The following CNOT4 variants were observed in gnomAD, a reference collection of about 807,000 sequenced individuals.
The protein encoded by CNOT4 is CCR4-NOT transcription complex subunit 4, also known as CCR4-associated factor 4.
CNOT4 carries 8 observed loss-of-function variants against 73.8 expected under a neutral mutation model. The ratio of observed to expected loss-of-function variants is 0.11; its 90% CI spans 0.06 to 0.20. The LOEUF is 0.20. Among genes scored for constraint, CNOT4 ranks in the 10% least tolerant of loss-of-function variants. The pLI is 1.00. For synonymous variants in CNOT4, 293 were observed against 321.1 expected, an observed-to-expected ratio of 0.91 and a Z score of 0.94; for missense variants, 564 against 883.4, an observed-to-expected ratio of 0.64 and a Z score of 4.58.
Position 135,414,411 on chromosome 7 carries a change from C to G in CNOT4, c.481G>C (p.Val161Leu), listed in dbSNP as rs775414214. 1 of 1,533,442 alleles carries G rather than the reference C, an allele frequency of 6.5e-7. No homozygotes were observed. Among genetic ancestry groups the G allele is most frequent in the Non-Finnish European group, 9.0e-7 (1 of 1,109,054 alleles). 95.0% of individuals were successfully genotyped at this position (1,533,442 alleles called of 1,614,324 possible). ...GCGTCTTCTGACCGGATATAGGTTA[C>G]ATAAGCACTGGCACTTGGACCCTAA... ...GSQGPSASAY[V>L]TYIRSEDALR... The change falls in exon 5 of 12, where the codon GTA (valine) becomes CTA (leucine). Residue 161 changes from valine to leucine, a missense_variant. Coordinates refer to ENST00000541284, the MANE Select transcript of CNOT4 (RefSeq NM_001190850.2).
At position 135,442,199 on chromosome 7, in the gene CNOT4, A is replaced by G. The variant is rs1799518948; in HGVS notation, c.-92-3776T>C. On this transcript the variant is annotated intron_variant, in intron 1 of 11. Transcript: ENST00000541284. Reference sequence around the variant, plus strand: ...TGTATTATAGTACCCCTCTGAACTAAGCTTTTAAAATAAGCTTTGAAATCG... The same window carrying G: ...TGTATTATAGTACCCCTCTGAACTAGGCTTTTAAAATAAGCTTTGAAATCG... Among the ~76,000 whole-genome samples, 3 of 152,358 alleles carry G rather than the reference A, an allele frequency of 2.0e-5. No homozygotes were observed. In the South Asian group the frequency reaches 6.2e-4, roughly 32 times the overall value.
At chr7:135,445,806 C>T (rs1799789496) in intron 1 of CNOT4, among the ~76,000 whole-genome samples, 1 of 152,058 alleles carries the variant, frequency 6.6e-6, no homozygotes, top group Admixed American at 6.6e-5. Context: ...CATGAATGAA[C>T]CCTGAAAACA....
chr7:135,460,194 C>G (rs924561113), intron 1 of CNOT4, among the ~76,000 whole-genome samples: 1 of 152,232 alleles, frequency 6.6e-6, no homozygotes, highest in Admixed American at 6.5e-5. Context: ...TCCATGTCCA[C>G]AATAAGGCTG....
chr7:135,398,953 G>A (rs1255780442), intron 7 of CNOT4, among the ~76,000 whole-genome samples: 1 of 151,940 alleles, frequency 6.6e-6, no homozygotes, highest in African/African-American at 2.4e-5. Flanking sequence ...TGAGAAATGA[G>A]ACAAAAGAAA....
At chr7:135,460,102 T>C (rs1231688793) in intron 1 of CNOT4, among the ~76,000 whole-genome samples, 2 of 152,266 alleles carry the variant, frequency 1.3e-5, no homozygotes, top group Non-Finnish European at 2.9e-5. Flanking sequence ...GGATGTGAGT[T>C]AGAGCTTTGC....
chr7:135,394,113 G>C lies in CNOT4; in HGVS notation c.1432C>G (p.Gln478Glu). The change falls in exon 10 of 12, where the codon CAA (glutamine) becomes GAA (glutamate). Residue 478 changes from glutamine to glutamate, a missense_variant. Around this residue, in one of 10 missense-constraint regions of CNOT4, gnomAD observed 153 missense variants for 158.7 expected, o/e 0.96. Transcript: ENST00000541284. The part of the protein sequence containing the change: ...TFSVLPQRFP[Q>E]FQQHRAVYNS... ...TAAACCGCTCGGTGCTGCTGAAATTGAGGGAACCTCTGGGGCAAGACTGAA... is the reference window on the plus strand; with the variant it reads ...TAAACCGCTCGGTGCTGCTGAAATTCAGGGAACCTCTGGGGCAAGACTGAA... 1 of 1,614,202 alleles carries C rather than the reference G, an allele frequency of 6.2e-7. No homozygotes were observed. Among genetic ancestry groups the C allele is most frequent in the Non-Finnish European group, 8.5e-7 (1 of 1,180,028 alleles).
At chr7:135,437,204 T>C (rs182767320) in intron 2 of CNOT4, among the ~76,000 whole-genome samples, 1 of 151,022 alleles carries the variant, frequency 6.6e-6, no homozygotes, top group Non-Finnish European at 1.5e-5. Context: ...CTTTTCTTTT[T>C]TTTGAGACGG....
intron 1 of CNOT4, among the ~76,000 whole-genome samples, chr7:135,493,942 T>C (rs986302398): frequency 4.6e-5 from 7 of 152,236 alleles, no homozygotes; most frequent in African/African-American, 1.4e-4. Flanking sequence ...ACGGATAGGC[T>C]TTCATTAGCT....
intron 3 of CNOT4, among the ~76,000 whole-genome samples, chr7:135,416,080 C>T (rs1276895363): frequency 6.6e-6 from 1 of 152,054 alleles, no homozygotes; most frequent in Non-Finnish European, 1.5e-5. Context: ...TTTGCAACTA[C>T]CTCAAAATTC....
chr7:135,396,339 G>A (rs1034121370), intron 8 of CNOT4, among the ~76,000 whole-genome samples: 7 of 151,746 alleles, frequency 4.6e-5, no homozygotes, highest in Non-Finnish European at 8.8e-5. Context: ...GGATGGTCTC[G>A]ATCTCCTGAC....
intron 1 of CNOT4, among the ~76,000 whole-genome samples, chr7:135,482,617 C>CA (rs1373653277): frequency 6.7e-5 from 10 of 149,218 alleles, no homozygotes; most frequent in Admixed American, 3.3e-4. Context: ...AAAGATATCA[C>CA]AAAAAAAGGA....
At chr7:135,451,827 G>A (rs771250697) in intron 1 of CNOT4, among the ~76,000 whole-genome samples, 5 of 152,154 alleles carry the variant, frequency 3.3e-5, no homozygotes, top group Non-Finnish European at 7.4e-5. Context: ...ACTTTTTAAA[G>A]AGTATTAAAC....
chr7:135,437,294 A>G (rs573033145), intron 2 of CNOT4, among the ~76,000 whole-genome samples: 15 of 152,156 alleles, frequency 9.9e-5, no homozygotes, highest in Middle Eastern at 3.4e-3. Context: ...GGTTCACGCC[A>G]TTCTCCTGCC....
At chr7:135,440,160 T>C (rs559298049) in intron 1 of CNOT4, among the ~76,000 whole-genome samples, 2 of 139,600 alleles carry the variant, frequency 1.4e-5, no homozygotes, top group South Asian at 4.4e-4. Context: ...CTACATATAA[T>C]GAAAAGCTAA....
At chr7:135,424,976 A>T (rs1798410757) in intron 2 of CNOT4, among the ~76,000 whole-genome samples, 1 of 152,246 alleles carries the variant, frequency 6.6e-6, no homozygotes, top group South Asian at 2.1e-4. Flanking sequence ...CAAGGAAAGT[A>T]CAAAAACTGA....
At chr7:135,397,511 T>C (rs1243661623) in intron 8 of CNOT4, among the ~76,000 whole-genome samples, 4 of 152,002 alleles carry the variant, frequency 2.6e-5, no homozygotes, top group Non-Finnish European at 5.9e-5. Flanking sequence ...TCATAAATAC[T>C]GTGGAGGACT....
In CNOT4 at chr7:135,364,092, G is replaced by A. The variant is rs1563006418; in HGVS notation, c.1628-26C>T. On this transcript the variant is annotated intron_variant, in intron 10 of 11. Transcript: ENST00000541284. The surrounding 1 kb of genome is among the most constrained non-coding windows in gnomAD (Gnocchi z 4.3). ...CTGGGAGATTTACCAACAAAAAAAT[G>A]AAAGATAAAAAAAAATAAAAAGCTA... is the stretch of plus-strand genomic sequence containing the variant. The A allele has an allele frequency of 6.7e-6, 10 of 1,487,904 alleles. No homozygotes were observed. The highest frequency in any genetic ancestry group is 3.9e-5 in the Admixed American group (2 of 51,126). 92.2% of individuals were successfully genotyped at this position (1,487,904 alleles called of 1,614,324 possible).
At chr7:135,390,246 A>C (rs1474450792) in intron 10 of CNOT4, among the ~76,000 whole-genome samples, 1 of 152,134 alleles carries the variant, frequency 6.6e-6, no homozygotes, top group African/African-American at 2.4e-5. Flanking sequence ...TAGTGCAAAA[A>C]CATTTCCATT....
At position 135,477,326 on chromosome 7, in the gene CNOT4, G is replaced by T. The variant is rs922199571; in HGVS notation, c.-93+32563C>A. Among the ~76,000 whole-genome samples, 3 of 150,498 alleles carry T rather than the reference G, an allele frequency of 2.0e-5. No homozygotes were observed. In the East Asian group the frequency reaches 5.9e-4, roughly 30 times the overall value. On this transcript the variant is annotated intron_variant, in intron 1 of 11. Coordinates refer to ENST00000541284, the MANE Select transcript of CNOT4 (RefSeq NM_001190850.2). ...CCACTGCACTCCAGCCTGGGTGACC[G>T]AGTGAGACTCTTGTCTCAAAAAAAA... is the stretch of plus-strand genomic sequence containing the variant.
Sources: allele counts gnomAD v4.1 joint callset (sites outside exome capture counted in the v4.1 genomes callset), GRCh38; gene constraint gnomAD v4.1.1; regional missense constraint gnomAD v4.1.1; non-coding constraint Gnocchi (gnomAD v3.1); transcripts MANE v1.5; gene names NCBI Gene and HGNC (gene_info 2026-07-23, HGNC 2026-07-21).